KLRF1: variants seen among roughly 807,000 people sequenced by gnomAD.
KLRF1 encodes killer cell lectin-like receptor subfamily F member 1.
Under a neutral mutation model 30.7 loss-of-function variants are expected in KLRF1, and 27 were observed. That is an observed-to-expected ratio of 0.88 (90% CI 0.65 to 1.21). KLRF1 has a LOEUF of 1.21. Among genes scored for constraint, KLRF1 ranks in the 50% most tolerant of loss-of-function variants. The pLI is 0.00. For synonymous variants in KLRF1, 92 were observed against 89.3 expected (o/e 1.03, Z -0.17); for missense variants, 246 against 259.3 (o/e 0.95, Z 0.35).
chr12:9,809,385 CT>C, the KLRF1 span, among the ~76,000 whole-genome samples: 1 of 152,252 alleles, frequency 6.6e-6, no homozygotes. Flanking sequence ...TTAACTTTCT[CT>C]TAGTTTTCCT....
rs762496362 is a variant in KLRF1, at chr12:9,832,391, C to T, written c.161C>T (p.Thr54Ile). Reference protein sequence around the residue: ...SGTVNGILTLTLISLILLVSQ... With the variant: ...SGTVNGILTLILISLILLVSQ... ...ACCGTGAATGGTATTCTCACTTTGA[C>T]TTTGATCTCCTTGATCCTGTTGGGT... Residue 54 changes from threonine to isoleucine, a missense_variant, in exon 2 of 6, where the codon ACT (threonine) becomes ATT (isoleucine). By Grantham distance (89) the Thr-to-Ile change is moderately conservative. Coordinates refer to ENST00000617889, the MANE Select transcript of KLRF1 (RefSeq NM_016523.3). 16 of 1,601,910 alleles carry T rather than the reference C, an allele frequency of 1.0e-5. No homozygotes were observed. In the East Asian group the frequency reaches 3.1e-4, roughly 31 times the overall value.
the KLRF1 span, among the ~76,000 whole-genome samples, chr12:9,819,408 T>C: frequency 1.3e-5 from 2 of 152,120 alleles, no homozygotes; most frequent in Admixed American, 6.5e-5. Context: ...GATGAATCTC[T>C]CAGAAGGAGG....
At chr12:9,840,617 A>G (rs1397292804) in intron 3 of KLRF1, among the ~76,000 whole-genome samples, 1 of 151,224 alleles carries the variant, frequency 6.6e-6, no homozygotes, top group African/African-American at 2.5e-5. Context: ...ACATAATTTA[A>G]TCATTTAATC....
At chr12:9,827,339 G>T, upstream of KLRF1, 1 of 343,720 alleles carries the variant, frequency 2.9e-6, no homozygotes, top group Non-Finnish European at 5.3e-6. Context: ...TGTTATCTAT[G>T]TCATGGGAAA....
At chr12:9,819,639 G>A in the KLRF1 span, among the ~76,000 whole-genome samples, 1 of 152,124 alleles carries the variant, frequency 6.6e-6, no homozygotes, top group East Asian at 1.9e-4. Context: ...GCTGGCAACA[G>A]GTCTGTACCC....
the KLRF1 span, among the ~76,000 whole-genome samples, chr12:9,808,740 A>G: frequency 6.6e-6 from 1 of 152,146 alleles, no homozygotes; most frequent in East Asian, 1.9e-4. Flanking sequence ...AAATATCCAT[A>G]TGTGTAATAT....
chr12:9,811,121 C>G, the KLRF1 span, among the ~76,000 whole-genome samples: 1 of 151,632 alleles, frequency 6.6e-6, no homozygotes, highest in South Asian at 2.1e-4. Flanking sequence ...AAGACTGCTT[C>G]TTACCACAGG....
chr12:9,830,394 G>A (rs748444230), intron 1 of KLRF1, among the ~76,000 whole-genome samples: 7 of 151,820 alleles, frequency 4.6e-5, no homozygotes, highest in Non-Finnish European at 8.8e-5. Context: ...ATTTCTACCT[G>A]TAATTAGAAT....
the KLRF1 span, among the ~76,000 whole-genome samples, chr12:9,801,724 G>A: frequency 1.3e-5 from 2 of 152,152 alleles, no homozygotes; most frequent in African/African-American, 4.8e-5. Flanking sequence ...ATTTGTTTAA[G>A]TTCCTTTTAG....
chr12:9,812,973 C>T, the KLRF1 span, among the ~76,000 whole-genome samples: 15 of 152,170 alleles, frequency 9.9e-5, no homozygotes, highest in Non-Finnish European at 1.8e-4. Context: ...GAGCATTCAT[C>T]ATCAAGAGGT....
intron 3 of KLRF1, among the ~76,000 whole-genome samples, chr12:9,839,756 T>G (rs1867662472): frequency 6.6e-6 from 1 of 152,058 alleles, no homozygotes; most frequent in Admixed American, 6.6e-5. Flanking sequence ...GCTCACATAT[T>G]TCTGGTAGAA....
At chr12:9,820,525 A>G in the KLRF1 span, among the ~76,000 whole-genome samples, 8 of 152,212 alleles carry the variant, frequency 5.3e-5, no homozygotes, top group African/African-American at 1.9e-4. Flanking sequence ...CTCTGTCTCC[A>G]GGCTCTGGAG....
At chr12:9,826,665 A>G (rs1313684626), upstream of KLRF1, among the ~76,000 whole-genome samples, 3 of 152,182 alleles carry the variant, frequency 2.0e-5, no homozygotes, top group Non-Finnish European at 4.4e-5. Context: ...TGTGATACAC[A>G]TATACAAAGG....
At chr12:9,833,046 T>C (rs549436757) in intron 2 of KLRF1, among the ~76,000 whole-genome samples, 34 of 152,252 alleles carry the variant, frequency 2.2e-4, no homozygotes, top group Non-Finnish European at 4.1e-4. Flanking sequence ...AAACTTGGCT[T>C]TATTTATTAT....
chr12:9,807,907 C>T, the KLRF1 span, among the ~76,000 whole-genome samples: 1 of 151,942 alleles, frequency 6.6e-6, no homozygotes, highest in Non-Finnish European at 1.5e-5. Context: ...ATATGTCATT[C>T]CTATGTTAAC....
At chr12:9,803,177 C>T in the KLRF1 span, among the ~76,000 whole-genome samples, 1 of 152,096 alleles carries the variant, frequency 6.6e-6, no homozygotes, top group Non-Finnish European at 1.5e-5. Flanking sequence ...ACCATTTGAT[C>T]TTCGACAAAC....
chr12:9,813,966 C>T, the KLRF1 span, among the ~76,000 whole-genome samples: 1 of 152,114 alleles, frequency 6.6e-6, no homozygotes, highest in Non-Finnish European at 1.5e-5. Context: ...TGGAGCCCAG[C>T]CCCAACAAGA....
chr12:9,823,991 T>C (rs989200808), upstream of KLRF1, among the ~76,000 whole-genome samples: 1 of 152,056 alleles, frequency 6.6e-6, no homozygotes, highest in African/African-American at 2.4e-5. Context: ...TAGTAATAAA[T>C]AGCCTACCAA....
At chr12:9,836,607 T>A (rs992923207) in intron 3 of KLRF1, among the ~76,000 whole-genome samples, 7 of 152,184 alleles carry the variant, frequency 4.6e-5, no homozygotes, top group Non-Finnish European at 1.0e-4. Flanking sequence ...GATAAATGTA[T>A]AATTATTATA....
Sources: allele counts gnomAD v4.1 joint callset (sites outside exome capture counted in the v4.1 genomes callset), GRCh38; gene constraint gnomAD v4.1.1; transcripts MANE v1.5; gene names NCBI Gene and HGNC (gene_info 2026-07-23, HGNC 2026-07-21).